Variants in ACLY observed in about 807,000 individuals in gnomAD.
ACLY encodes ATP-citrate synthase.
ACLY carries 41 observed loss-of-function variants against 133.0 expected under a neutral mutation model. That is an observed-to-expected ratio of 0.31 (90% CI 0.24 to 0.40). ACLY has a LOEUF of 0.40. Among genes scored for constraint, ACLY ranks in the 10% least tolerant of loss-of-function variants. The pLI, the probability that ACLY is intolerant of heterozygous loss-of-function variation, is 1.00. For missense variants in ACLY, 1,046 were observed against 1,453.8 expected (o/e 0.72, Z 4.56); for synonymous variants, 495 against 549.3 (o/e 0.90, Z 1.38).
intron 6 of ACLY, 59 bp from the exon 7 acceptor site, chr17:41,907,631 C>T (rs2144386316): frequency 1.0e-5 from 16 of 1,581,558 alleles, no homozygotes; most frequent in Middle Eastern, 3.4e-4. Flanking sequence ...CAACCACCAA[C>T]CTCCAACCCC....
chr17:41,912,457 T>TTGA lies in ACLY; in HGVS notation c.242_244dup (p.Val81_Lys82insIle). On this transcript the variant is annotated inframe_insertion, in exon 3 of 29. Transcript: ENST00000352035. ...TCCCAGCCGTGGCTTCAGCCAGGAC[T>TTGA]TGACCCCATCCAGAGTGAGGTTGAC... 6.2e-7 allele frequency: 1 copy of TTGA among 1,614,234 alleles called. No individual in the cohort carries two copies. Among genetic ancestry groups the TTGA allele is most frequent in the Non-Finnish European group, 8.5e-7 (1 of 1,180,036 alleles).
intron 18 of ACLY, among the ~76,000 whole-genome samples, chr17:41,885,630 A>G (rs1227655686): frequency 6.6e-6 from 1 of 152,192 alleles, no homozygotes; most frequent in Non-Finnish European, 1.5e-5. Context: ...TGGCTCAGAC[A>G]CTTATATGTA....
intron 3 of ACLY, 101 bp downstream of exon 3, chr17:41,912,319 T>G: frequency 4.7e-6 from 7 of 1,491,952 alleles, no homozygotes; most frequent in Non-Finnish European, 6.4e-6. Flanking sequence ...TGAGCTACAA[T>G]GAGACTGGCT....
chr17:41,880,766 T>C (rs1022508718), intron 20 of ACLY, among the ~76,000 whole-genome samples: 6 of 151,178 alleles, frequency 4.0e-5, no homozygotes, highest in Non-Finnish European at 7.4e-5. Flanking sequence ...CTTGGGAGGC[T>C]GAAACAGCAG....
At position 41,900,096 on chromosome 17, in the gene ACLY, A is replaced by AAAT. The variant is rs1555631262; in HGVS notation, c.1184-1312_1184-1311insATT. On this transcript the variant is annotated intron_variant, in intron 11 of 28. Transcript: ENST00000352035. ...AAAAAAAAAAAAAAAAAAAAAAAAA[A>AAAT]TTGCCTATAATCTCAGCACTTTGGG... Among the ~76,000 whole-genome samples the AAAT allele has an allele frequency of 3.1e-4, 45 of 143,036 alleles. 1 individual carries two copies. The highest frequency in any genetic ancestry group is 1.2e-3 in the African/African-American group (44 of 37,492). 93.8% of individuals were successfully genotyped at this position (143,036 alleles called of 152,430 possible).
chr17:41,890,783 TTA>T lies in ACLY; in HGVS notation c.1770+1494_1770+1495del, dbSNP rs1389330799. Among the ~76,000 whole-genome samples, 9 of 136,072 alleles carry T rather than the reference TTA, an allele frequency of 6.6e-5. No homozygotes were observed. The Admixed American group carries it at 8.4e-4, about 13-fold the overall frequency. The allele number at this position is 136,072 out of a possible 152,430, so 89.3% of individuals were successfully genotyped here. ...TGGGAGGCCAAGGTGAGTGGATCAC[TTA>T]AGGCCAGGAGTTCGAGACCAGTCTG... is the stretch of plus-strand genomic sequence containing the variant. On this transcript the variant is annotated intron_variant, in intron 16 of 28. Transcript: ENST00000352035.
chr17:41,893,034 T>C lies in ACLY; in HGVS notation c.1600A>G (p.Thr534Ala). ...ATTTCCCGCCATGGGGTAACTCACG[T>C]GAAAGGGTAGACCATGGCAGCCACT... Reference protein sequence around the residue: ...PSVAAMVYPFTGDHKQKFYWG... With the variant: ...PSVAAMVYPFAGDHKQKFYWG... Residue 534 changes from threonine (T) to alanine (A), a missense_variant and splice_region_variant, in exon 15 of 29, where the codon ACT (threonine) becomes GCT (alanine). Thr to Ala is a moderately conservative substitution (Grantham distance 58). This residue lies in a region of ACLY where 575 missense variants were observed against 804.2 expected (regional missense o/e 0.71). Transcript: ENST00000352035. 6.2e-7 allele frequency: 1 copy of C among 1,612,600 alleles called. No homozygotes were observed. Among genetic ancestry groups the C allele is most frequent in the African/African-American group, 1.3e-5 (1 of 74,936 alleles).
At chr17:41,892,180 C>T in intron 16 of ACLY, 99 bp downstream of exon 16, 1 of 1,212,892 alleles carries the variant, frequency 8.2e-7, no homozygotes, top group Non-Finnish European at 1.1e-6. Context: ...AACCAGGAGC[C>T]ATTCCTGCTT....
intron 21 of ACLY, 91 bp from the exon 22 acceptor site, chr17:41,878,287 A>G: frequency 1.2e-6 from 1 of 807,588 alleles, no homozygotes; most frequent in Non-Finnish European, 1.8e-6. Flanking sequence ...TAACCCAAAC[A>G]CTGTAGGTTT....
At chr17:41,919,180 C>G (rs1446287814), upstream of ACLY, among the ~76,000 whole-genome samples, 1 of 152,158 alleles carries the variant, frequency 6.6e-6, no homozygotes, top group African/African-American at 2.4e-5. Context: ...TCTTGGGAGC[C>G]TGCGGGGCCG....
At chr17:41,910,471 A>G (rs1254171832) in intron 3 of ACLY, among the ~76,000 whole-genome samples, 187 bp from the exon 4 acceptor site, 1 of 152,108 alleles carries the variant, frequency 6.6e-6, no homozygotes, top group Non-Finnish European at 1.5e-5. Context: ...ATGCCCTTTC[A>G]CCCCTTGCTC....
intron 1 of ACLY, among the ~76,000 whole-genome samples, chr17:41,929,486 C>T (rs1555636379): frequency 1.3e-5 from 2 of 152,130 alleles, no homozygotes; most frequent in East Asian, 1.9e-4. Context: ...CCATCCCAGA[C>T]CCTGGCTGAA....
chr17:41,905,719 G>A, intron 8 of ACLY, 61 bp from the exon 9 acceptor site: 6 of 1,603,396 alleles, frequency 3.7e-6, no homozygotes, highest in Admixed American at 1.7e-5. Flanking sequence ...TGGCAGCCTG[G>A]TGCCTGGGAG....
intron 11 of ACLY, among the ~76,000 whole-genome samples, chr17:41,900,915 C>T (rs2049519526): frequency 6.6e-6 from 1 of 151,794 alleles, no homozygotes; most frequent in South Asian, 2.1e-4. Flanking sequence ...TGGCGCTGCT[C>T]CCTCATTCTA....
At chr17:41,879,196 C>T (rs1300688260) in intron 20 of ACLY, among the ~76,000 whole-genome samples, 1 of 152,084 alleles carries the variant, frequency 6.6e-6, no homozygotes, top group Admixed American at 6.5e-5. Context: ...TCCTCTGCCT[C>T]CTGGGTTCCA....
intron 20 of ACLY, among the ~76,000 whole-genome samples, chr17:41,879,358 G>T (rs550367415): frequency 6.6e-6 from 1 of 150,650 alleles, no homozygotes; most frequent in African/African-American, 2.4e-5. Flanking sequence ...CACCAGCCTC[G>T]GCCTTGCAAA....
chr17:41,869,669 G>A (rs1219550468), intron 25 of ACLY, 82 bp from the exon 26 acceptor site: 1 of 1,199,206 alleles, frequency 8.3e-7, no homozygotes, highest in South Asian at 1.3e-5. Flanking sequence ...CAGGTAGGTA[G>A]AACTGGACAT....
intron 2 of ACLY, 87 bp from the exon 3 acceptor site, chr17:41,912,629 T>C: frequency 6.6e-7 from 1 of 1,526,190 alleles, no homozygotes; most frequent in South Asian, 1.2e-5. Flanking sequence ...ACAGCAGGGA[T>C]TGACTTCCCA....
chr17:41,871,445 C>T (rs1004254003), intron 25 of ACLY, among the ~76,000 whole-genome samples: 4 of 151,970 alleles, frequency 2.6e-5, no homozygotes, highest in Non-Finnish European at 5.9e-5. Flanking sequence ...CTCCACTTCC[C>T]GGGTTCAAGC....
Sources: allele counts gnomAD v4.1 joint callset (sites outside exome capture counted in the v4.1 genomes callset), GRCh38; gene constraint gnomAD v4.1.1; regional missense constraint gnomAD v4.1.1; transcripts MANE v1.5; gene names NCBI Gene and HGNC (gene_info 2026-07-23, HGNC 2026-07-21).